The following IGF2R variants were observed in gnomAD, a reference collection of about 807,000 sequenced individuals.
IGF2R encodes cation-independent mannose-6-phosphate receptor.
A neutral mutation model predicts 270.6 loss-of-function variants in IGF2R; 91 were observed. That is an observed-to-expected ratio of 0.34 (90% CI 0.28 to 0.40). The LOEUF (loss-of-function observed/expected upper bound fraction) is 0.40, where lower values mean the gene tolerates loss of function less well. Ranked by LOEUF, IGF2R falls within the 10% of genes least tolerant of loss-of-function variation. The pLI is 1.00. For synonymous variants in IGF2R, 1,316 were observed against 1,258.9 expected, an observed-to-expected ratio of 1.05 and a Z score of -0.96; for missense variants, 2,805 against 3,188.3, an observed-to-expected ratio of 0.88 and a Z score of 2.90.
intron 13 of IGF2R, 78 bp downstream of exon 13, chr6:160,044,735 C>A: frequency 8.8e-7 from 1 of 1,133,836 alleles, no homozygotes; most frequent in Non-Finnish European, 1.3e-6. Flanking sequence ...TGTTCCTCAT[C>A]AGTCACTGCA....
chr6:160,036,871 A>G lies in IGF2R; in HGVS notation c.1315+2349A>G, dbSNP rs9456499. The stretch of plus-strand genomic sequence containing the variant: ...TCTGGGTTTGGTTCCCAGCTGCCCT[A>G]GTTTTTAGTTATGAAATCATGGGCC... On this transcript the variant is annotated intron_variant, in intron 10 of 47. Transcript: ENST00000356956. 5.0e-3 allele frequency among the ~76,000 whole-genome samples: 760 copies of G among 152,276 alleles called. 5 individuals carry two copies. Among genetic ancestry groups the G allele is most frequent in the African/African-American group, 0.018 (734 of 41,558 alleles).
rs186241879 is a variant in IGF2R at position 159,977,752 on chromosome 6, C to T, written c.149+8357C>T. Among the ~76,000 whole-genome samples the T allele has an allele frequency of 1.1e-4, 17 of 152,310 alleles. No individual in the cohort carries two copies. The East Asian group carries it at 2.7e-3, about 24-fold the overall frequency. On this transcript the variant is annotated intron_variant, in intron 1 of 47. Transcript: ENST00000356956. ...CTCCCCTCACAGGCCTTGGGCAAGT[C>T]ACAGAACCTCTGAAGTCTTCCTTTC... is the stretch of plus-strand genomic sequence containing the variant.
chr6:160,099,569 G>A (rs1044100265), intron 45 of IGF2R, among the ~76,000 whole-genome samples: 4 of 152,080 alleles, frequency 2.6e-5, no homozygotes, highest in East Asian at 1.9e-4. Context: ...GGGTTTCACC[G>A]TGTTAGCCAG....
chr6:160,083,832 T>C, intron 39 of IGF2R, 118 bp from the exon 40 acceptor site: 1 of 739,526 alleles, frequency 1.4e-6, no homozygotes, highest in Non-Finnish European at 2.3e-6. Context: ...TAACAACATC[T>C]CAGCAAAGCA....
chr6:159,971,495 T>C (rs915217009), intron 1 of IGF2R, among the ~76,000 whole-genome samples: 3 of 152,256 alleles, frequency 2.0e-5, no homozygotes, highest in Non-Finnish European at 4.4e-5. Context: ...CCAGATTTTC[T>C]TAGGATGACA....
At chr6:160,009,524 A>G (rs1159251694) in intron 3 of IGF2R, among the ~76,000 whole-genome samples, 2 of 152,264 alleles carry the variant, frequency 1.3e-5, no homozygotes, top group African/African-American at 2.4e-5. Context: ...CCTCATTTAT[A>G]TTAAATTAGA....
Position 159,991,252 on chromosome 6 carries a change from A to G in IGF2R, c.218A>G (p.Asp73Gly), listed in dbSNP as rs757132015. 3.7e-6 allele frequency: 6 copies of G among 1,613,950 alleles called. No homozygotes were observed. In the South Asian group the frequency reaches 4.4e-5, roughly 12 times the overall value. ...LYKINICGSV[D>G]IVQCGPSSAV... ...AAAATCAACATCTGTGGAAGTGTGG[A>G]TATTGTCCAGTGCGGGCCATCAAGT... is the stretch of plus-strand genomic sequence containing the variant. The change falls in exon 2 of 48, where the codon GAT (aspartate) becomes GGT (glycine). Residue 73 changes from aspartate (D) to glycine (G), a missense_variant. Transcript: ENST00000356956.
rs375287658 is a variant in IGF2R at position 160,102,549 on chromosome 6, C to T, written c.6873C>T (p.Asp2291=). Reference sequence around the variant, plus strand: ...GCTTTGACAGCGAGAATCCCGGGGACGACGGGCAGATGCACAAGGGGCTGT... The same window carrying T: ...GCTTTGACAGCGAGAATCCCGGGGATGACGGGCAGATGCACAAGGGGCTGT... The part of the protein sequence containing the change: ...GVGFDSENPG[D]DGQMHKGLSE... Residue 2291 remains aspartate (D), a synonymous_variant, in exon 46 of 48, where the codon GAC becomes GAT. Coordinates refer to ENST00000356956, the MANE Select transcript of IGF2R (RefSeq NM_000876.4). This position sits in a 1 kb window ranked among gnomAD's most constrained non-coding sequence, Gnocchi z 4.5. 1.2e-5 allele frequency: 19 copies of T among 1,612,762 alleles called. No homozygotes were observed. The highest frequency in any genetic ancestry group is 1.9e-4 in the Middle Eastern group (1 of 5,256).
At chr6:160,094,234 C>T (rs746199423) in intron 44 of IGF2R, 4 of 328,276 alleles carry the variant, frequency 1.2e-5, no homozygotes, top group Non-Finnish European at 2.4e-5. Context: ...GCCAGTTCTT[C>T]ATTTATAAAT....
chr6:160,049,730 C>T (rs970979395), intron 18 of IGF2R, among the ~76,000 whole-genome samples: 2 of 152,172 alleles, frequency 1.3e-5, no homozygotes, highest in African/African-American at 2.4e-5. Context: ...TCCTTAACCT[C>T]GTTTTTCCTT....
rs1779164730 is a variant in IGF2R at position 160,089,206 on chromosome 6, C to A, written c.6420C>A (p.Thr2140=). Residue 2140 remains threonine, a synonymous_variant, in exon 43 of 48, where the codon ACC becomes ACA. Transcript: ENST00000356956. ...QEVQMVNGTI[T]NPINGKSFSL... The stretch of plus-strand genomic sequence containing the variant: ...TGCAGATGGTGAATGGGACCATCAC[C>A]AACCCTATAAATGGCAAGAGCTTCA... 1 of 1,613,400 alleles carries A rather than the reference C, an allele frequency of 6.2e-7. No individual in the cohort carries two copies. Among genetic ancestry groups the A allele is most frequent in the African/African-American group, 1.3e-5 (1 of 74,920 alleles).
chr6:160,065,899 C>T (rs671439), intron 29 of IGF2R, among the ~76,000 whole-genome samples: 15,093 of 144,382 alleles, frequency 0.1, 1,024 homozygotes, highest in Admixed American at 0.2. Flanking sequence ...AGTGCAGTGG[C>T]GTGATCTTGT....
At position 160,025,307 on chromosome 6, in the gene IGF2R, G is replaced by C. The variant is rs146006844; in HGVS notation, c.646+603G>C. 3.3e-5 allele frequency among the ~76,000 whole-genome samples: 5 copies of C among 152,320 alleles called. No individual in the cohort carries two copies. In the South Asian group the frequency reaches 1.0e-3, roughly 32 times the overall value. ...AAGCCAAGTTTCTAAAACCCAGCTT[G>C]ATGTTCCCCTCAGGGCTATGAATTG... On this transcript the variant is annotated intron_variant, in intron 5 of 47. Coordinates refer to ENST00000356956, the MANE Select transcript of IGF2R (RefSeq NM_000876.4).
rs373662196 is a variant in IGF2R at position 160,040,707 on chromosome 6, C to T, written c.1463C>T (p.Ala488Val). 9.9e-6 allele frequency: 16 copies of T among 1,613,948 alleles called. No homozygotes were observed. The highest frequency in any genetic ancestry group is 8.9e-5 in the East Asian group (4 of 44,880). The stretch of plus-strand genomic sequence containing the variant: ...GGGAAGAAGCGCTATGACCTGTCCG[C>T]GCTGGTCCGCCATGCAGGTACTGCC... ...TDGKKRYDLS[A>V]LVRHAEPEQN... The change falls in exon 11 of 48, where the codon GCG becomes GTG. Residue 488 changes from alanine (A) to valine (V), a missense_variant. Ala to Val is a moderately conservative substitution (Grantham distance 64, BLOSUM62 0). Transcript: ENST00000356956.
At chr6:160,034,747 C>T (rs934628379) in intron 10 of IGF2R, among the ~76,000 whole-genome samples, 4 of 152,244 alleles carry the variant, frequency 2.6e-5, no homozygotes, top group Admixed American at 1.3e-4. Context: ...GTGTTTTCCT[C>T]GGTTTTCTCT....
chr6:160,020,094 G>T (rs943041876), intron 4 of IGF2R, among the ~76,000 whole-genome samples: 1 of 151,968 alleles, frequency 6.6e-6, no homozygotes, highest in African/African-American at 2.4e-5. Flanking sequence ...GATTTGATAC[G>T]TGAATTCAGT....
chr6:160,080,022 A>G lies in IGF2R; in HGVS notation c.5687-107A>G. On this transcript the variant is annotated intron_variant, in intron 38 of 47. Coordinates refer to ENST00000356956, the MANE Select transcript of IGF2R (RefSeq NM_000876.4). ...GGCAGGTGAATGCCGGTTGTCACGT[A>G]GGTGCTTTAGGATGGGCAGCTTCCT... The G allele has an allele frequency of 3.7e-6, 5 of 1,335,176 alleles. No individual in the cohort carries two copies. The Admixed American group carries it at 7.9e-5, about 21-fold the overall frequency. 82.7% of individuals were successfully genotyped at this position (1,335,176 alleles called of 1,614,324 possible).
At position 160,063,498 on chromosome 6, in the gene IGF2R, G is replaced by T; in HGVS notation, c.3754G>T (p.Ala1252Ser). 2 of 1,613,960 alleles carry T rather than the reference G, an allele frequency of 1.2e-6. No individual in the cohort carries two copies. Among genetic ancestry groups the T allele is most frequent in the African/African-American group, 1.3e-5 (1 of 75,026 alleles). The change falls in exon 27 of 48, where the codon GCT becomes TCT. Residue 1252 changes from alanine (A) to serine (S), a missense_variant. Transcript: ENST00000356956. ...PLGLNDTIVSAGEYTYYFRVC... is the reference protein window; with the variant it reads ...PLGLNDTIVSSGEYTYYFRVC... ...GGGCCTCAACGACACCATCGTGAGCGCTGGCGAATACACTTATTACTTCCG... is the reference window on the plus strand; with the variant it reads ...GGGCCTCAACGACACCATCGTGAGCTCTGGCGAATACACTTATTACTTCCG...
chr6:160,044,726 G>A (rs1358065222), intron 13 of IGF2R, 69 bp downstream of exon 13: 3 of 1,221,496 alleles, frequency 2.5e-6, no homozygotes, highest in Admixed American at 2.2e-5. Flanking sequence ...TCATATCTCT[G>A]TTCCTCATCA....
Sources: allele counts gnomAD v4.1 joint callset (sites outside exome capture counted in the v4.1 genomes callset), GRCh38; gene constraint gnomAD v4.1.1; non-coding constraint Gnocchi (gnomAD v3.1); transcripts MANE v1.5; gene names NCBI Gene and HGNC (gene_info 2026-07-23, HGNC 2026-07-21).